XIRP2: variants seen among roughly 807,000 people sequenced by gnomAD.
XIRP2 encodes the protein xin actin-binding repeat-containing protein 2.
In XIRP2, 236 loss-of-function variants were observed where a neutral mutation model predicts 277.0. The observed-to-expected ratio is 0.85, with a 90% CI of 0.77 to 0.95. The LOEUF is 0.95. XIRP2 is among the 40% of genes least tolerant of loss of function. XIRP2 has a pLI of 0.00. For synonymous variants in XIRP2, 1,490 were observed against 1,416.5 expected, an observed-to-expected ratio of 1.05 and a Z score of -1.17; for missense variants, 4,640 against 4,157.5, an observed-to-expected ratio of 1.12 and a Z score of -3.19.
chr2:166,979,411 T>C (rs558051707), intron 2 of XIRP2, among the ~76,000 whole-genome samples: 2 of 147,860 alleles, frequency 1.4e-5, no homozygotes, highest in East Asian at 4.0e-4. Context: ...AGGCCTCAAG[T>C]ATAATTGTTA....
chr2:166,922,922 A>C (rs1348454568), intron 2 of XIRP2, among the ~76,000 whole-genome samples: 1 of 151,254 alleles, frequency 6.6e-6, no homozygotes. Flanking sequence ...TTTCATAGAC[A>C]TGCTGAATTA....
intron 3 of XIRP2, among the ~76,000 whole-genome samples, chr2:167,142,769 G>A (rs1238842457): frequency 6.6e-6 from 1 of 152,116 alleles, no homozygotes; most frequent in Non-Finnish European, 1.5e-5. Flanking sequence ...CACAAGTGCA[G>A]ACGGTGCTAT....
intron 2 of XIRP2, among the ~76,000 whole-genome samples, chr2:166,934,692 A>G (rs779741556): frequency 9.2e-5 from 14 of 152,124 alleles, no homozygotes; most frequent in Non-Finnish European, 1.8e-4. Context: ...CCACCTATGG[A>G]CACACCTCTG....
intron 5 of XIRP2, among the ~76,000 whole-genome samples, chr2:167,231,400 A>C (rs1334975715): frequency 6.6e-6 from 1 of 152,016 alleles, no homozygotes; most frequent in Admixed American, 6.6e-5. Flanking sequence ...CCAAAAAATA[A>C]GCCCAAATCA....
At chr2:166,995,373 T>C (rs1687191509) in intron 2 of XIRP2, among the ~76,000 whole-genome samples, 1 of 152,202 alleles carries the variant, frequency 6.6e-6, no homozygotes. Flanking sequence ...AGTGGTACTT[T>C]ACCACAAGTA....
intron 2 of XIRP2, among the ~76,000 whole-genome samples, chr2:167,125,947 A>G (rs1201915487): frequency 6.6e-6 from 1 of 152,176 alleles, no homozygotes; most frequent in Admixed American, 6.5e-5. Context: ...TGAACATCCA[A>G]TATCCTCCAG....
At chr2:167,073,867 GA>G (rs1689497419) in intron 2 of XIRP2, among the ~76,000 whole-genome samples, 1 of 152,126 alleles carries the variant, frequency 6.6e-6, no homozygotes, top group African/African-American at 2.4e-5. Flanking sequence ...CTGAGATTTG[GA>G]ACCTCATCTT....
intron 2 of XIRP2, among the ~76,000 whole-genome samples, chr2:167,107,551 TAATC>T (rs1203462090): frequency 6.6e-6 from 1 of 151,692 alleles, no homozygotes; most frequent in Non-Finnish European, 1.5e-5. Flanking sequence ...TAATAAGTCT[TAATC>T]AGTTATAGTA....
chr2:166,932,169 C>G (rs575664948), intron 2 of XIRP2, among the ~76,000 whole-genome samples: 3 of 150,144 alleles, frequency 2.0e-5, no homozygotes, highest in African/African-American at 7.3e-5. Flanking sequence ...CCCAGATTAT[C>G]ATCTTCCTGT....
At chr2:167,196,202 C>T (rs1168065447) in intron 3 of XIRP2, among the ~76,000 whole-genome samples, 1 of 152,064 alleles carries the variant, frequency 6.6e-6, no homozygotes, top group Non-Finnish European at 1.5e-5. Context: ...AAATTTAAGA[C>T]TGGAAATAAG....
intron 3 of XIRP2, among the ~76,000 whole-genome samples, chr2:167,202,700 T>C (rs982683809): frequency 3.5e-4 from 54 of 152,352 alleles, no homozygotes; most frequent in African/African-American, 1.1e-3. Context: ...CATGTATGTG[T>C]ACAGTGAATG....
chr2:166,926,090 G>A (rs1216824333), intron 2 of XIRP2, among the ~76,000 whole-genome samples: 1 of 151,736 alleles, frequency 6.6e-6, no homozygotes, highest in African/African-American at 2.4e-5. Flanking sequence ...AAAAAAATCA[G>A]TTTTGTATCA....
intron 2 of XIRP2, among the ~76,000 whole-genome samples, chr2:166,984,855 A>C (rs1196648754): frequency 6.6e-6 from 1 of 152,224 alleles, no homozygotes; most frequent in Non-Finnish European, 1.5e-5. Context: ...CAGGGCACTC[A>C]TGTGTTTACA....
At chr2:167,077,599 A>C (rs534357151) in intron 2 of XIRP2, among the ~76,000 whole-genome samples, 10 of 152,340 alleles carry the variant, frequency 6.6e-5, no homozygotes, top group Non-Finnish European at 1.3e-4. Context: ...TAACCCAGGA[A>C]GGTCACTGAA....
At chr2:167,088,917 C>G (rs1338997557) in intron 2 of XIRP2, among the ~76,000 whole-genome samples, 1 of 152,168 alleles carries the variant, frequency 6.6e-6, no homozygotes, top group Non-Finnish European at 1.5e-5. Flanking sequence ...CAATTTCATT[C>G]TCTGTCTTCC....
intron 5 of XIRP2, among the ~76,000 whole-genome samples, chr2:167,233,357 A>G (rs1479439796): frequency 6.6e-6 from 1 of 151,994 alleles, no homozygotes; most frequent in Non-Finnish European, 1.5e-5. Context: ...AGCAACTTAA[A>G]CAGGAGAGTA....
intron 3 of XIRP2, among the ~76,000 whole-genome samples, chr2:167,189,811 G>A (rs186082377): frequency 5.1e-4 from 77 of 152,118 alleles, no homozygotes; most frequent in Non-Finnish European, 9.0e-4. Flanking sequence ...AATTCAGTTC[G>A]GACACTAGGT....
chr2:167,162,097 C>T (rs1009837093), intron 3 of XIRP2, among the ~76,000 whole-genome samples: 1 of 152,168 alleles, frequency 6.6e-6, no homozygotes, highest in Non-Finnish European at 1.5e-5. Context: ...TCTGAGACCC[C>T]CTCAGCCTGA....
At chr2:167,017,103 A>T (rs1216595343) in intron 2 of XIRP2, among the ~76,000 whole-genome samples, 1 of 151,906 alleles carries the variant, frequency 6.6e-6, no homozygotes, top group Non-Finnish European at 1.5e-5. Context: ...CCTTCACCAA[A>T]TAATTCAGGG....
Sources: allele counts gnomAD v4.1 joint callset (sites outside exome capture counted in the v4.1 genomes callset), GRCh38; gene constraint gnomAD v4.1.1; transcripts MANE v1.5; gene names NCBI Gene and HGNC (gene_info 2026-07-23, HGNC 2026-07-21).